SPTLC1: variants seen among roughly 807,000 people sequenced by gnomAD.
SPTLC1 encodes serine palmitoyltransferase 1.
A neutral mutation model predicts 68.9 loss-of-function variants in SPTLC1; 55 were observed. That is an observed-to-expected ratio of 0.80 (90% confidence interval 0.64 to 1.00). The LOEUF (loss-of-function observed/expected upper bound fraction) is 1.00, where lower values mean the gene tolerates loss of function less well. SPTLC1 is among the 50% of genes least tolerant of loss of function. The probability of loss-of-function intolerance (pLI) is 0.00; values close to 1 mark genes in which losing one functional copy is unlikely to be tolerated. For missense variants in SPTLC1, 449 were observed against 573.1 expected (o/e 0.78, Z 2.21); for synonymous variants, 197 against 201.6 (o/e 0.98, Z 0.19).
intron 3 of SPTLC1, among the ~76,000 whole-genome samples, chr9:92,096,291 C>G (rs774408047): frequency 2.6e-5 from 4 of 152,160 alleles, no homozygotes; most frequent in Non-Finnish European, 4.4e-5. Flanking sequence ...AAGCCCACCC[C>G]ATCCTCACCC....
intron 12 of SPTLC1, 81 bp downstream of exon 12, chr9:92,045,918 C>T: frequency 7.4e-7 from 1 of 1,350,868 alleles, no homozygotes; most frequent in Non-Finnish European, 1.0e-6. Context: ...CTGACCCAAG[C>T]CTAGAAATTT....
At chr9:92,056,652 A>G (rs182037151) in intron 7 of SPTLC1, among the ~76,000 whole-genome samples, 81 of 152,356 alleles carry the variant, frequency 5.3e-4, no homozygotes, top group African/African-American at 1.6e-3. Flanking sequence ...TGAGATCCAC[A>G]GATAGAGTTT....
chr9:92,070,081 TA>T (rs2118611586), intron 5 of SPTLC1: 1 of 152,306 alleles, frequency 6.6e-6, no homozygotes, highest in East Asian at 1.9e-4. Context: ...ACAGTTGCCA[TA>T]AGTGGGAAGA....
At chr9:92,090,910 C>A (rs778929334) in intron 3 of SPTLC1, among the ~76,000 whole-genome samples, 12 of 152,098 alleles carry the variant, frequency 7.9e-5, no homozygotes, top group Non-Finnish European at 1.5e-4. Context: ...GGAAGTCACA[C>A]ACCTCAAGGA....
chr9:92,040,905 A>T (rs1368141109), intron 12 of SPTLC1, among the ~76,000 whole-genome samples: 1 of 152,240 alleles, frequency 6.6e-6, no homozygotes, highest in East Asian at 1.9e-4. Flanking sequence ...TAGATGCTGA[A>T]TGTCAGATGA....
chr9:92,063,383 C>A (rs80336008), intron 6 of SPTLC1, among the ~76,000 whole-genome samples: 7,579 of 151,962 alleles, frequency 0.05, 496 homozygotes, highest in East Asian at 0.26. Context: ...AAGATACTTG[C>A]AAAAAAGAAA....
At chr9:92,098,340 C>T (rs1180820669) in intron 3 of SPTLC1, among the ~76,000 whole-genome samples, 1 of 151,764 alleles carries the variant, frequency 6.6e-6, no homozygotes, top group East Asian at 1.9e-4. Context: ...TCCATAAAAG[C>T]GCTCTGCACC....
intron 3 of SPTLC1, among the ~76,000 whole-genome samples, chr9:92,083,751 A>C (rs1213723442): frequency 3.3e-5 from 5 of 152,064 alleles, no homozygotes; most frequent in Non-Finnish European, 7.4e-5. Flanking sequence ...TATGAACTTT[A>C]AAGTAGTTTT....
In SPTLC1 at chr9:92,032,520, T is replaced by A; in HGVS notation, c.1367A>T (p.Glu456Val). ...VVVTVEQTEE[E>V]LERAASTIKE... ...GATGGTGGACGCAGCTCTCTCCAGT[T>A]CTTCCTCTGTTTGTTCCACCGTGAC... is the stretch of plus-strand genomic sequence containing the variant. The change falls in exon 15 of 15, where the codon GAA becomes GTA. Residue 456 changes from glutamate to valine, a missense_variant. By Grantham distance (121) the Glu-to-Val change is moderately radical (BLOSUM62 -2). Transcript: ENST00000262554. The A allele has an allele frequency of 6.2e-7, 1 of 1,614,160 alleles. No individual in the cohort carries two copies. The highest frequency in any genetic ancestry group is 1.1e-5 in the South Asian group (1 of 91,084).
At chr9:92,072,346 C>T (rs1318982287) in intron 5 of SPTLC1, among the ~76,000 whole-genome samples, 3 of 152,152 alleles carry the variant, frequency 2.0e-5, no homozygotes, top group Non-Finnish European at 4.4e-5. Context: ...GACAAGGAAC[C>T]TTCCTCTTAT....
intron 3 of SPTLC1, among the ~76,000 whole-genome samples, chr9:92,087,338 G>GT (rs1835184219): frequency 6.6e-6 from 1 of 152,154 alleles, no homozygotes; most frequent in Non-Finnish European, 1.5e-5. Context: ...AGAGTTTCCA[G>GT]TTTTTCTGCT....
At chr9:92,105,703 C>T (rs571847575) in intron 3 of SPTLC1, among the ~76,000 whole-genome samples, 1 of 131,804 alleles carries the variant, frequency 7.6e-6, no homozygotes, top group East Asian at 2.5e-4. Flanking sequence ...TGGGAAGTGA[C>T]GAGTGCCTCT....
intron 12 of SPTLC1, among the ~76,000 whole-genome samples, chr9:92,044,944 T>A (rs777199224): frequency 7.9e-5 from 12 of 152,208 alleles, no homozygotes; most frequent in Admixed American, 7.9e-4. Flanking sequence ...GTTAACACCA[T>A]AGAGTGAAAG....
intron 5 of SPTLC1, among the ~76,000 whole-genome samples, chr9:92,070,686 G>C (rs1401252147): frequency 6.6e-6 from 1 of 152,078 alleles, no homozygotes; most frequent in Non-Finnish European, 1.5e-5. Context: ...TGTCAAATAG[G>C]GGGGATAGTC....
At chr9:92,083,012 G>A (rs1834950388) in intron 3 of SPTLC1, among the ~76,000 whole-genome samples, 2 of 152,206 alleles carry the variant, frequency 1.3e-5, no homozygotes, top group South Asian at 4.1e-4. Flanking sequence ...ATTTTTTCAT[G>A]TGTTTTTTGG....
rs2895200 is a variant in SPTLC1 at position 92,039,514 on chromosome 9, C to T, written c.1137-1149G>A. On this transcript the variant is annotated intron_variant, in intron 12 of 14. Transcript: ENST00000262554. ...ATCTCGGCTACTATCTAGTCAGGTT[C>T]ATTTAAAGTCTATTTTATCCTATAA... 2.6e-3 allele frequency among the ~76,000 whole-genome samples: 402 copies of T among 152,286 alleles called. 3 individuals are homozygous for T. The highest frequency in any genetic ancestry group is 9.2e-3 in the African/African-American group (383 of 41,554).
At chr9:92,058,668 G>C (rs1452017193) in intron 7 of SPTLC1, among the ~76,000 whole-genome samples, 1 of 152,204 alleles carries the variant, frequency 6.6e-6, no homozygotes, top group Non-Finnish European at 1.5e-5. Context: ...GTTAGGGGCA[G>C]TCATTTCCCA....
At chr9:92,059,394 C>A in intron 6 of SPTLC1, 86 bp from the exon 7 acceptor site, 2 of 1,369,512 alleles carry the variant, frequency 1.5e-6, no homozygotes, top group Non-Finnish European at 1.0e-6. Context: ...GTAAGCTGAC[C>A]AATCACTGAT....
At chr9:92,115,066 G>C in intron 1 of SPTLC1, 1 of 575,584 alleles carries the variant, frequency 1.7e-6, no homozygotes, top group South Asian at 2.0e-5. Flanking sequence ...CCTTTCCGGA[G>C]CTTCCAGGGG....
Sources: allele counts gnomAD v4.1 joint callset (sites outside exome capture counted in the v4.1 genomes callset), GRCh38; gene constraint gnomAD v4.1.1; transcripts MANE v1.5; gene names NCBI Gene and HGNC (gene_info 2026-07-23, HGNC 2026-07-21).